Variants in ATF6 observed in about 807,000 individuals in gnomAD.
The protein encoded by ATF6 is cyclic AMP-dependent transcription factor ATF-6 alpha.
Under a neutral mutation model 83.6 loss-of-function variants are expected in ATF6, and 53 were observed. The observed-to-expected ratio is 0.63, with a 90% CI of 0.51 to 0.80. The LOEUF is 0.80. Ranked by LOEUF, ATF6 falls within the 30% of genes least tolerant of loss-of-function variation. The pLI, the probability that ATF6 is intolerant of heterozygous loss-of-function variation, is 0.00. For synonymous variants in ATF6, 288 were observed against 285.8 expected (o/e 1.01, Z -0.08); for missense variants, 744 against 797.9 (o/e 0.93, Z 0.81).
intron 12 of ATF6, among the ~76,000 whole-genome samples, chr1:161,859,420 T>C (rs1049434239): frequency 6.6e-6 from 1 of 152,234 alleles, no homozygotes; most frequent in Non-Finnish European, 1.5e-5. Context: ...ATATTTAATT[T>C]TGTAGCTTGG....
intron 7 of ATF6, among the ~76,000 whole-genome samples, chr1:161,815,184 A>ATTTTT (rs34687938): frequency 1.3e-4 from 13 of 96,418 alleles, no homozygotes; most frequent in South Asian, 3.5e-4. Flanking sequence ...TCCCATTTTA[A>ATTTTT]TTTTTTTTTT....
At chr1:161,920,072 G>A (rs561741666) in intron 15 of ATF6, among the ~76,000 whole-genome samples, 5 of 152,174 alleles carry the variant, frequency 3.3e-5, no homozygotes, top group African/African-American at 9.6e-5. Context: ...TAAGCAGGTC[G>A]AGAGTTTTTC....
intron 15 of ATF6, among the ~76,000 whole-genome samples, chr1:161,915,115 T>A (rs1412171794): frequency 6.6e-6 from 1 of 152,104 alleles, no homozygotes; most frequent in Non-Finnish European, 1.5e-5. Context: ...CACCAAATAC[T>A]ACACTGAGAA....
chr1:161,795,468 C>A (rs539129492), intron 6 of ATF6, among the ~76,000 whole-genome samples: 1 of 152,100 alleles, frequency 6.6e-6, no homozygotes. Context: ...TAGATGAGAA[C>A]GCTAAGTACA....
chr1:161,920,294 C>CTCTCTTTTTTTTTTTTTTTTTTTTT (rs1157916734), intron 15 of ATF6, among the ~76,000 whole-genome samples: 1 of 54,846 alleles, frequency 1.8e-5, no homozygotes, highest in African/African-American at 7.4e-5. Context: ...CTCTCTCTCT[C>CTCTCTTTTTTTTTTTTTTTTTTTTT]TTTTTTTTTT....
intron 14 of ATF6, among the ~76,000 whole-genome samples, chr1:161,885,667 T>C (rs1438258958): frequency 6.6e-6 from 1 of 152,166 alleles, no homozygotes; most frequent in Non-Finnish European, 1.5e-5. Flanking sequence ...GCTAGTCGGC[T>C]TCTGTCTGAT....
At chr1:161,821,609 G>A (rs1252658187) in intron 9 of ATF6, among the ~76,000 whole-genome samples, 2 of 152,178 alleles carry the variant, frequency 1.3e-5, no homozygotes, top group South Asian at 4.1e-4. Flanking sequence ...TTATGAAATG[G>A]CATGACATGT....
chr1:161,946,951 A>G (rs1342198062), intron 15 of ATF6, among the ~76,000 whole-genome samples: 1 of 152,242 alleles, frequency 6.6e-6, no homozygotes, highest in Non-Finnish European at 1.5e-5. Flanking sequence ...TCAATTTTCT[A>G]AAATACCATT....
intron 15 of ATF6, among the ~76,000 whole-genome samples, chr1:161,942,798 G>A (rs1688673607): frequency 1.3e-5 from 2 of 152,174 alleles, no homozygotes; most frequent in African/African-American, 2.4e-5. Flanking sequence ...GCCCAAATCT[G>A]TGTGACCTGT....
intron 10 of ATF6, among the ~76,000 whole-genome samples, chr1:161,847,163 A>G (rs1366687945): frequency 6.6e-6 from 1 of 152,188 alleles, no homozygotes; most frequent in African/African-American, 2.4e-5. Context: ...ACATTTTTAT[A>G]GTTGTATACT....
At chr1:161,926,542 A>G (rs187956710) in intron 15 of ATF6, among the ~76,000 whole-genome samples, 3 of 152,322 alleles carry the variant, frequency 2.0e-5, no homozygotes, top group Admixed American at 2.0e-4. Context: ...AGTGAGTAAG[A>G]GCACTCCCAA....
rs1689061354 is a variant in ATF6 at position 161,959,944 on chromosome 1, T to C, written c.*1290T>C. ...AGACAAAAGTTTTTTCACTGAAGAA[T>C]TGACAAGTATTTGCTCCTTAAAACA... On this transcript the variant is annotated 3_prime_UTR_variant, in exon 16 of 16. Transcript: ENST00000367942. 1 of 152,220 alleles carries C rather than the reference T, an allele frequency of 6.6e-6. No individual in the cohort carries two copies. Among genetic ancestry groups the C allele is most frequent in the African/African-American group, 2.4e-5 (1 of 41,468 alleles). 9.4% of individuals were successfully genotyped at this position (152,220 alleles called of 1,614,324 possible). A position where few individuals can be genotyped will look rare whatever the true frequency, so the allele number is the denominator to read the frequency against.
At position 161,910,779 on chromosome 1, in the gene ATF6, A is replaced by G. The variant is rs574830441; in HGVS notation, c.1720-1517A>G. ...TCTGTTTTTTCTTGGTTATAATGTT[A>G]TCTTAATCAGAAATGTGTGATCTTT... is the stretch of plus-strand genomic sequence containing the variant. On this transcript the variant is annotated intron_variant, in intron 14 of 15. Coordinates refer to ENST00000367942, the MANE Select transcript of ATF6 (RefSeq NM_007348.4). Among the ~76,000 whole-genome samples, 6 of 152,276 alleles carry G rather than the reference A, an allele frequency of 3.9e-5. No individual in the cohort carries two copies. The East Asian group carries it at 1.2e-3, about 29-fold the overall frequency.
intron 1 of ATF6, among the ~76,000 whole-genome samples, chr1:161,777,588 C>A (rs1015040945): frequency 6.6e-6 from 1 of 152,134 alleles, no homozygotes; most frequent in Non-Finnish European, 1.5e-5. Flanking sequence ...TGGTGAGGAG[C>A]CTTCTTGGGC....
intron 9 of ATF6, among the ~76,000 whole-genome samples, chr1:161,824,760 CTTAT>C (rs1406418086): frequency 2.0e-5 from 3 of 152,140 alleles, no homozygotes; most frequent in African/African-American, 7.2e-5. Flanking sequence ...ATACGTGGTA[CTTAT>C]TTATTTAGTC....
chr1:161,825,714 G>A (rs1301068632), intron 9 of ATF6, among the ~76,000 whole-genome samples: 1 of 152,168 alleles, frequency 6.6e-6, no homozygotes, highest in African/African-American at 2.4e-5. Flanking sequence ...TAACCTGGAA[G>A]CTCTCCAAAT....
rs553951217 is a variant in ATF6, at chr1:161,949,690, A to G, written c.1805-8756A>G. ...GAAATCACATGATGAGAGAAGCAGC[A>G]AGAGAAAGAGGGAAGATGCCAGACT... On this transcript the variant is annotated intron_variant, in intron 15 of 15. Coordinates refer to ENST00000367942, the MANE Select transcript of ATF6 (RefSeq NM_007348.4). 1.8e-4 allele frequency among the ~76,000 whole-genome samples: 28 copies of G among 152,320 alleles called. No homozygotes were observed. The South Asian group carries it at 3.9e-3, about 21-fold the overall frequency.
intron 9 of ATF6, among the ~76,000 whole-genome samples, chr1:161,834,326 C>T (rs547608376): frequency 3.2e-4 from 48 of 152,036 alleles, no homozygotes; most frequent in Middle Eastern, 3.4e-3. Context: ...CACATGCACA[C>T]GTATGTTTAT....
chr1:161,904,193 C>T (rs1049892292), intron 14 of ATF6, among the ~76,000 whole-genome samples: 1 of 152,098 alleles, frequency 6.6e-6, no homozygotes, highest in East Asian at 1.9e-4. Flanking sequence ...AAGCTGTTAC[C>T]ACCTGAAATT....
Sources: gnomAD v4.1 joint callset for allele counts (sites outside exome capture counted in the v4.1 genomes callset) on GRCh38, gnomAD v4.1.1 for gene constraint, MANE v1.5 for transcripts, NCBI Gene and HGNC (gene_info 2026-07-23, HGNC 2026-07-21) for gene names.